Variants in DLC1 observed in about 807,000 individuals in gnomAD.
DLC1 encodes the protein DLC1 Rho GTPase activating protein.
DLC1 carries 54 observed loss-of-function variants against 140.3 expected under a neutral mutation model. The ratio of observed to expected loss-of-function variants is 0.38; its 90% CI spans 0.31 to 0.48. The LOEUF (loss-of-function observed/expected upper bound fraction) is 0.48. DLC1 is among the 20% of genes least tolerant of loss of function. DLC1 has a pLI of 0.96. For synonymous variants in DLC1, 986 were observed against 728.1 expected, an observed-to-expected ratio of 1.35 and a Z score of -5.70; for missense variants, 2,536 against 1,907.0, an observed-to-expected ratio of 1.33 and a Z score of -6.14.
At chr8:13,471,471 TGAAG>T (rs746428021) in intron 2 of DLC1, among the ~76,000 whole-genome samples, 51 of 116,586 alleles carry the variant, frequency 4.4e-4, no homozygotes, top group Middle Eastern at 0.011. Flanking sequence ...AAGGAAGGAA[TGAAG>T]GAAGGAAGGA....
At chr8:13,477,205 A>C (rs1800471530) in intron 2 of DLC1, among the ~76,000 whole-genome samples, 1 of 56,004 alleles carries the variant, frequency 1.8e-5, no homozygotes, top group Admixed American at 1.2e-4. Context: ...ATTCTCAAAC[A>C]AGATGAAAAA....
At chr8:13,260,505 T>C (rs1397259138) in intron 5 of DLC1, among the ~76,000 whole-genome samples, 3 of 152,160 alleles carry the variant, frequency 2.0e-5, no homozygotes, top group Admixed American at 2.0e-4. Flanking sequence ...ATTGTGGAGA[T>C]AATGAAGTTA....
intron 2 of DLC1, among the ~76,000 whole-genome samples, chr8:13,474,238 A>G (rs1800339141): frequency 6.6e-6 from 1 of 152,188 alleles, no homozygotes; most frequent in African/African-American, 2.4e-5. Context: ...CTTGGGCTTC[A>G]GAGGGTACAA....
rs1019482908 is a variant in DLC1 at position 13,237,223 on chromosome 8, GTA to G, written c.1348+68044_1348+68045del. On this transcript the variant is annotated intron_variant, in intron 5 of 17. Transcript: ENST00000276297. ...TGTGTGTGTGTGTGTGTGTGTGTGT[GTA>G]TACATATATATATATACACACACAC... Among the ~76,000 whole-genome samples the G allele has an allele frequency of 4.1e-4, 50 of 121,404 alleles. 1 individual carries two copies. In the South Asian group the frequency reaches 9.7e-3, roughly 24 times the overall value. The allele number at this position is 121,404 out of a possible 152,430, so 79.6% of individuals were successfully genotyped here.
At chr8:13,307,250 T>G (rs1832482720) in intron 4 of DLC1, among the ~76,000 whole-genome samples, 1 of 152,152 alleles carries the variant, frequency 6.6e-6, no homozygotes, top group African/African-American at 2.4e-5. Context: ...TGCAGACGTA[T>G]AGATTAAATG....
chr8:13,510,899 C>G (rs760483054), intron 1 of DLC1, among the ~76,000 whole-genome samples: 3 of 152,080 alleles, frequency 2.0e-5, no homozygotes, highest in Non-Finnish European at 4.4e-5. Flanking sequence ...AATTATTATT[C>G]TATTATTACA....
intron 5 of DLC1, among the ~76,000 whole-genome samples, chr8:13,136,917 A>T (rs981020446): frequency 6.6e-5 from 10 of 152,224 alleles, no homozygotes; most frequent in African/African-American, 2.4e-4. Flanking sequence ...TTAAAAAAGA[A>T]GGTTGTTATA....
chr8:13,254,862 C>A (rs922988817), intron 5 of DLC1, among the ~76,000 whole-genome samples: 2 of 152,084 alleles, frequency 1.3e-5, no homozygotes, highest in African/African-American at 2.4e-5. Context: ...TCAGAAGGCA[C>A]AATAGTGATG....
upstream of DLC1, chr8:13,515,554 T>TA (rs1295322528): frequency 2.0e-5 from 3 of 152,312 alleles, no homozygotes; most frequent in Middle Eastern, 3.4e-3. Context: ...ATTAAACACT[T>TA]ACAACTGCTT....
chr8:13,181,231 A>G (rs546772789), intron 5 of DLC1, among the ~76,000 whole-genome samples: 7 of 151,726 alleles, frequency 4.6e-5, no homozygotes, highest in African/African-American at 7.2e-5. Context: ...CTACTTGGAA[A>G]GCTCTTCCCC....
At chr8:13,249,802 A>G (rs1382727634) in intron 5 of DLC1, among the ~76,000 whole-genome samples, 1 of 152,066 alleles carries the variant, frequency 6.6e-6, no homozygotes, top group Middle Eastern at 3.2e-3. Context: ...TCCCATCCTA[A>G]ATTATCCCCA....
chr8:13,361,734 A>G, intron 4 of DLC1, among the ~76,000 whole-genome samples: 1 of 152,200 alleles, frequency 6.6e-6, no homozygotes, highest in Non-Finnish European at 1.5e-5. Flanking sequence ...ACCAAAATCT[A>G]ATGTCCCTTC....
intron 5 of DLC1, among the ~76,000 whole-genome samples, chr8:13,231,947 G>A (rs917458862): frequency 6.6e-6 from 1 of 152,114 alleles, no homozygotes; most frequent in African/African-American, 2.4e-5. Flanking sequence ...CATTATTCAT[G>A]TTTGCTGAAA....
At chr8:13,436,719 C>T (rs567193546) in intron 2 of DLC1, among the ~76,000 whole-genome samples, 2 of 152,118 alleles carry the variant, frequency 1.3e-5, no homozygotes, top group African/African-American at 2.4e-5. Context: ...AGATCTGGTG[C>T]CATATAAAAG....
At chr8:13,408,951 C>T (rs1372562371) in intron 2 of DLC1, among the ~76,000 whole-genome samples, 1 of 151,968 alleles carries the variant, frequency 6.6e-6, no homozygotes, top group Non-Finnish European at 1.5e-5. Context: ...CCTTCCTTTG[C>T]CATGAACAAC....
At chr8:13,172,256 C>G (rs76446691) in intron 5 of DLC1, among the ~76,000 whole-genome samples, 8,754 of 152,252 alleles carry the variant, frequency 0.057, 274 homozygotes, top group African/African-American at 0.064. Flanking sequence ...TTCAACCTCA[C>G]TAATGGAGAC....
At chr8:13,452,741 T>C (rs754298920) in intron 2 of DLC1, among the ~76,000 whole-genome samples, 1 of 151,974 alleles carries the variant, frequency 6.6e-6, no homozygotes, top group African/African-American at 2.4e-5. Flanking sequence ...CATGCTGATC[T>C]CACTTGATGA....
At chr8:13,288,774 G>T (rs1432542571) in intron 5 of DLC1, among the ~76,000 whole-genome samples, 1 of 152,184 alleles carries the variant, frequency 6.6e-6, no homozygotes, top group African/African-American at 2.4e-5. Context: ...CAACTTTCTA[G>T]GGGAGGAAAG....
Position 13,100,095 on chromosome 8 carries a change from C to T in DLC1, c.2242G>A (p.Glu748Lys). ...GGCGTGCTGACCGCGCTGCTGGTCT[C>T]CGACTGGCTGCTGCTGCTGCTGGTC... Reference protein sequence around the residue: ...TQTSSSSSQSETSSAVSTPSP... With the variant: ...TQTSSSSSQSKTSSAVSTPSP... The change falls in exon 9 of 18, where the codon GAG becomes AAG. Residue 748 changes from glutamate (E) to lysine (K), a missense_variant. Glu to Lys is a moderately conservative substitution (Grantham distance 56). Coordinates refer to ENST00000276297, the MANE Select transcript of DLC1 (RefSeq NM_182643.3). 1 of 1,613,844 alleles carries T rather than the reference C, an allele frequency of 6.2e-7. No individual in the cohort carries two copies. Among genetic ancestry groups the T allele is most frequent in the Non-Finnish European group, 8.5e-7 (1 of 1,180,046 alleles).
Sources: allele counts gnomAD v4.1 joint callset (sites outside exome capture counted in the v4.1 genomes callset), GRCh38; gene constraint gnomAD v4.1.1; transcripts MANE v1.5; gene names NCBI Gene and HGNC (gene_info 2026-07-23, HGNC 2026-07-21).